The following FAF1 variants were observed in gnomAD, a reference collection of about 807,000 sequenced individuals.
The protein encoded by FAF1 is FAS-associated factor 1.
Under a neutral mutation model 92.5 loss-of-function variants are expected in FAF1, and 25 were observed. The observed-to-expected ratio is 0.27, with a 90% CI of 0.20 to 0.38. The LOEUF is 0.38. FAF1 is among the 10% of genes least tolerant of loss of function. The pLI is 1.00. For missense variants in FAF1, 636 were observed against 793.3 expected, an observed-to-expected ratio of 0.80 and a Z score of 2.38; for synonymous variants, 234 against 273.2, an observed-to-expected ratio of 0.86 and a Z score of 1.42.
At chr1:50,645,658 A>G (rs577879888) in intron 8 of FAF1, among the ~76,000 whole-genome samples, 1 of 152,262 alleles carries the variant, frequency 6.6e-6, no homozygotes, top group East Asian at 1.9e-4. Context: ...CCCCGTCTCT[A>G]CTAAAAATAC....
At chr1:50,624,116 A>G (rs995547301) in intron 8 of FAF1, among the ~76,000 whole-genome samples, 5 of 152,188 alleles carry the variant, frequency 3.3e-5, no homozygotes, top group African/African-American at 9.7e-5. Flanking sequence ...CAGGCAGTCA[A>G]GTAGAAATGA....
At chr1:50,679,410 C>G (rs1250383284) in intron 7 of FAF1, among the ~76,000 whole-genome samples, 1 of 150,938 alleles carries the variant, frequency 6.6e-6, no homozygotes, top group African/African-American at 2.4e-5. Flanking sequence ...CTCAGTAACC[C>G]TATTAAATAG....
At position 50,953,856 on chromosome 1, in the gene FAF1, A is replaced by G. The variant is rs531988431; in HGVS notation, c.45+5911T>C. 3.3e-5 allele frequency among the ~76,000 whole-genome samples: 5 copies of G among 152,398 alleles called. No homozygotes were observed. The South Asian group carries it at 1.0e-3, about 32-fold the overall frequency. ...AGCACATTTGTGTGTTACAGAAAAC[A>G]TAACTGAAAATAACATCAAATCAAT... On this transcript the variant is annotated intron_variant, in intron 1 of 18. Coordinates refer to ENST00000396153, the MANE Select transcript of FAF1 (RefSeq NM_007051.3).
At position 50,575,597 on chromosome 1, in the gene FAF1, C is replaced by A. The variant is rs374453674; in HGVS notation, c.1113+7021G>T. On this transcript the variant is annotated intron_variant, in intron 12 of 18. Transcript: ENST00000396153. ...CAGCAAATACATTATTTGTATAATT[C>A]AAATATATTTTTCTAAAAAAAAAAT... 1.8e-4 allele frequency among the ~76,000 whole-genome samples: 28 copies of A among 151,962 alleles called. No homozygotes were observed. In the South Asian group the frequency reaches 4.6e-3, roughly 25 times the overall value.
chr1:50,477,912 G>A (rs1465089460), intron 17 of FAF1, among the ~76,000 whole-genome samples: 2 of 152,172 alleles, frequency 1.3e-5, no homozygotes, highest in Non-Finnish European at 2.9e-5. Flanking sequence ...TTGTAGGCAC[G>A]TACTAGGTGT....
chr1:50,578,848 T>C (rs1650868865), intron 12 of FAF1, among the ~76,000 whole-genome samples: 1 of 152,166 alleles, frequency 6.6e-6, no homozygotes, highest in Middle Eastern at 3.2e-3. Context: ...AGATTTAATT[T>C]TGAATAATTT....
chr1:50,598,462 TAAAAAAAAAAA>T (rs890794436), intron 8 of FAF1, among the ~76,000 whole-genome samples: 1 of 112,364 alleles, frequency 8.9e-6, no homozygotes, highest in Non-Finnish European at 1.8e-5. Context: ...AACCTGTCTT[TAAAAAAAAAAA>T]AAAAAAAAAA....
At chr1:50,850,845 C>A (rs1361464822) in intron 2 of FAF1, among the ~76,000 whole-genome samples, 1 of 151,972 alleles carries the variant, frequency 6.6e-6, no homozygotes, top group Non-Finnish European at 1.5e-5. Context: ...ATTATTTTTT[C>A]TTTTCCAAGT....
chr1:50,636,747 T>C (rs1654031302), intron 8 of FAF1, among the ~76,000 whole-genome samples: 1 of 152,182 alleles, frequency 6.6e-6, no homozygotes, highest in African/African-American at 2.4e-5. Context: ...CTTAGGAGCT[T>C]TTAGTGTCCT....
At chr1:50,478,795 T>G (rs982551493) in intron 17 of FAF1, among the ~76,000 whole-genome samples, 3 of 152,218 alleles carry the variant, frequency 2.0e-5, no homozygotes, top group African/African-American at 4.8e-5. Flanking sequence ...TTTTTCAAAA[T>G]TTGAGTCAGT....
At chr1:50,952,342 G>A (rs548072660) in intron 1 of FAF1, among the ~76,000 whole-genome samples, 54 of 152,362 alleles carry the variant, frequency 3.5e-4, no homozygotes, top group Admixed American at 2.2e-3. Context: ...GCTCCTGACC[G>A]CGAGTGATCT....
intron 2 of FAF1, among the ~76,000 whole-genome samples, chr1:50,822,509 C>A (rs1163973558): frequency 6.6e-6 from 1 of 152,214 alleles, no homozygotes; most frequent in African/African-American, 2.4e-5. Context: ...TCACCTACTT[C>A]TCCTTCACAG....
intron 4 of FAF1, among the ~76,000 whole-genome samples, chr1:50,760,157 C>A (rs917705274): frequency 3.3e-5 from 5 of 152,056 alleles, no homozygotes; most frequent in African/African-American, 9.7e-5. Context: ...TATATATGCA[C>A]CCAATACAGG....
chr1:50,715,449 AG>A (rs1185474524), intron 6 of FAF1, among the ~76,000 whole-genome samples: 1 of 152,220 alleles, frequency 6.6e-6, no homozygotes, highest in Non-Finnish European at 1.5e-5. Flanking sequence ...ATAAACAAAC[AG>A]ATAAATAAAT....
chr1:50,597,630 A>C, intron 8 of FAF1, among the ~76,000 whole-genome samples: 1 of 151,998 alleles, frequency 6.6e-6, no homozygotes, highest in East Asian at 1.9e-4. Flanking sequence ...TCCAAAGAAA[A>C]CCCTTTTTCA....
At chr1:50,614,407 T>A (rs1254786485) in intron 8 of FAF1, among the ~76,000 whole-genome samples, 1 of 151,680 alleles carries the variant, frequency 6.6e-6, no homozygotes, top group Non-Finnish European at 1.5e-5. Context: ...AATATTAGAG[T>A]TAAGGGGGGA....
At chr1:50,604,326 C>T (rs1042140904) in intron 8 of FAF1, among the ~76,000 whole-genome samples, 6 of 152,136 alleles carry the variant, frequency 3.9e-5, no homozygotes, top group African/African-American at 1.2e-4. Flanking sequence ...AGTGATCCCA[C>T]CATCCCCAAC....
intron 8 of FAF1, among the ~76,000 whole-genome samples, chr1:50,607,444 C>T (rs144686975): frequency 0.012 from 1,755 of 152,240 alleles, 28 homozygotes; most frequent in African/African-American, 0.041. Context: ...ATGTTCAAGG[C>T]CATAACCCTG....
At chr1:50,650,115 T>G (rs1243508841) in intron 8 of FAF1, among the ~76,000 whole-genome samples, 3 of 145,492 alleles carry the variant, frequency 2.1e-5, no homozygotes, top group Admixed American at 7.0e-5. Flanking sequence ...AGAAACCCCA[T>G]GTCTACTAAA....
Sources: gnomAD v4.1 joint callset for allele counts (sites outside exome capture counted in the v4.1 genomes callset) on GRCh38, gnomAD v4.1.1 for gene constraint, MANE v1.5 for transcripts, NCBI Gene and HGNC (gene_info 2026-07-23, HGNC 2026-07-21) for gene names.